Variants in TBC1D32 observed in about 807,000 individuals in gnomAD.
The protein encoded by TBC1D32 is protein broad-minded.
A neutral mutation model predicts 170.3 loss-of-function variants in TBC1D32; 151 were observed. The observed-to-expected ratio is 0.89, with a 90% CI of 0.78 to 1.01. The LOEUF (loss-of-function observed/expected upper bound fraction) is 1.01, where lower values mean the gene tolerates loss of function less well. TBC1D32 is among the 50% of genes least tolerant of loss of function. The probability of loss-of-function intolerance (pLI) is 0.00; values close to 1 mark genes in which losing one functional copy is unlikely to be tolerated. For synonymous variants in TBC1D32, 498 were observed against 488.0 expected (o/e 1.02, Z -0.27); for missense variants, 1,464 against 1,457.1 (o/e 1.00, Z -0.08).
chr6:121,157,988 G>A (rs537162792), intron 24 of TBC1D32, among the ~76,000 whole-genome samples: 20 of 152,096 alleles, frequency 1.3e-4, no homozygotes, highest in East Asian at 5.8e-4. Flanking sequence ...CTTGGGGATC[G>A]TCATCCTGTA....
chr6:121,272,723 T>C (rs1801642127), intron 15 of TBC1D32, among the ~76,000 whole-genome samples: 1 of 152,154 alleles, frequency 6.6e-6, no homozygotes, highest in Non-Finnish European at 1.5e-5. Context: ...GATCTAGAAC[T>C]AGAAATACCA....
chr6:121,240,357 ATTTTTTTTTTTT>A (rs35946120), intron 19 of TBC1D32, among the ~76,000 whole-genome samples: 9 of 75,298 alleles, frequency 1.2e-4, no homozygotes, highest in African/African-American at 3.9e-4. Flanking sequence ...GTTTAGGACA[ATTTTTTTTTTTT>A]TTTTTTTTTT....
chr6:121,198,166 T>C (rs1466186894), intron 22 of TBC1D32, among the ~76,000 whole-genome samples: 1 of 145,188 alleles, frequency 6.9e-6, no homozygotes. Flanking sequence ...ATATATAATA[T>C]ATATACACAT....
chr6:121,160,783 T>C (rs6938483), intron 23 of TBC1D32, among the ~76,000 whole-genome samples, 165 bp downstream of exon 23: 12,294 of 152,248 alleles, frequency 0.081, 1,289 homozygotes, highest in African/African-American at 0.24. Flanking sequence ...AAAATATTAT[T>C]TTAGTTTGAA....
At chr6:121,145,416 T>A (rs1043865699) in intron 24 of TBC1D32, among the ~76,000 whole-genome samples, 1 of 152,016 alleles carries the variant, frequency 6.6e-6, no homozygotes, top group African/African-American at 2.4e-5. Context: ...CTGAAAAATT[T>A]AAACTCATAG....
chr6:121,304,423 G>GA lies in TBC1D32; in HGVS notation c.876dup (p.Arg293SerfsTer5). 1 of 1,612,992 alleles carries GA rather than the reference G, an allele frequency of 6.2e-7. No individual in the cohort carries two copies. The highest frequency in any genetic ancestry group is 8.5e-7 in the Non-Finnish European group (1 of 1,179,486). On this transcript the variant is annotated frameshift_variant, in exon 8 of 32. Transcript: ENST00000398212. LOFTEE classifies it high-confidence loss of function. ...TCTTTCTGATATTCATTTAGAAGAC[G>GA]AACCTACAAAGCAGTGCACAATAGT...
In TBC1D32 at chr6:121,128,678, T is replaced by C. The variant is rs957288067; in HGVS notation, c.2900-2217A>G. ...GTAGGAATACGACATGAATAGTCTA[T>C]AAAACCAAAATTTATAATATTTATA... On this transcript the variant is annotated intron_variant, in intron 25 of 31. Transcript: ENST00000398212. 3.3e-5 allele frequency among the ~76,000 whole-genome samples: 5 copies of C among 152,152 alleles called. No individual in the cohort carries two copies. The South Asian group carries it at 1.0e-3, about 31-fold the overall frequency.
At chr6:121,291,228 T>G (rs936602144) in intron 12 of TBC1D32, among the ~76,000 whole-genome samples, 1 of 152,022 alleles carries the variant, frequency 6.6e-6, no homozygotes, top group Non-Finnish European at 1.5e-5. Context: ...CAGTGCACAG[T>G]TGAGGCACTC....
chr6:121,169,388 C>A (rs113095215), intron 22 of TBC1D32, among the ~76,000 whole-genome samples: 2,184 of 152,102 alleles, frequency 0.014, 14 homozygotes, highest in Middle Eastern at 0.031. Flanking sequence ...GAAACTGGAC[C>A]CCCTCCTTAT....
At chr6:121,087,628 C>T (rs1776387308) in intron 31 of TBC1D32, among the ~76,000 whole-genome samples, 1 of 152,084 alleles carries the variant, frequency 6.6e-6, no homozygotes. Flanking sequence ...TTGTGGTTTT[C>T]AATATTTTGA....
At chr6:121,193,007 T>C (rs1790271231) in intron 22 of TBC1D32, among the ~76,000 whole-genome samples, 1 of 152,156 alleles carries the variant, frequency 6.6e-6, no homozygotes, top group African/African-American at 2.4e-5. Flanking sequence ...AGAGGTGAGA[T>C]TGAGATTGTG....
At chr6:121,161,164 CTA>C in intron 22 of TBC1D32, 108 bp from the exon 23 acceptor site, 1 of 806,762 alleles carries the variant, frequency 1.2e-6, no homozygotes, top group African/African-American at 1.7e-5. Context: ...ATTTATCAAT[CTA>C]TTTCTTTTTC....
intron 24 of TBC1D32, 98 bp downstream of exon 24, chr6:121,159,912 T>C: frequency 2.5e-6 from 2 of 812,174 alleles, no homozygotes; most frequent in Non-Finnish European, 4.0e-6. Context: ...GTATACATGC[T>C]AAATGCAGTC....
chr6:121,222,202 G>A (rs1003419106), intron 21 of TBC1D32, among the ~76,000 whole-genome samples: 1 of 151,962 alleles, frequency 6.6e-6, no homozygotes, highest in Non-Finnish European at 1.5e-5. Flanking sequence ...TTTTTTAGAC[G>A]TAATTCTATT....
chr6:121,143,590 G>A (rs1783069440), intron 24 of TBC1D32, among the ~76,000 whole-genome samples: 1 of 152,112 alleles, frequency 6.6e-6, no homozygotes, highest in South Asian at 2.1e-4. Context: ...CCAAAATTGT[G>A]CAGTGCAAAT....
intron 24 of TBC1D32, among the ~76,000 whole-genome samples, chr6:121,133,555 C>T (rs80228010): frequency 0.025 from 3,752 of 152,034 alleles, 167 homozygotes; most frequent in East Asian, 0.13. Flanking sequence ...AAGAAAACTG[C>T]TACGTATTGC....
chr6:121,129,215 C>T (rs1450687924), intron 25 of TBC1D32, among the ~76,000 whole-genome samples: 1 of 152,174 alleles, frequency 6.6e-6, no homozygotes, highest in Non-Finnish European at 1.5e-5. Context: ...TAGGACAGCT[C>T]TATGCTTTGA....
At chr6:121,181,817 T>C (rs1486619789) in intron 22 of TBC1D32, among the ~76,000 whole-genome samples, 1 of 152,102 alleles carries the variant, frequency 6.6e-6, no homozygotes, top group Non-Finnish European at 1.5e-5. Context: ...TCCTCTCATT[T>C]GCAACAACAT....
chr6:121,194,418 C>A (rs972391347), intron 22 of TBC1D32, among the ~76,000 whole-genome samples: 1 of 152,156 alleles, frequency 6.6e-6, no homozygotes, highest in African/African-American at 2.4e-5. Flanking sequence ...ATTAGTGCCA[C>A]CATGAAGGAC....
Sources: allele counts gnomAD v4.1 joint callset (sites outside exome capture counted in the v4.1 genomes callset), GRCh38; gene constraint gnomAD v4.1.1; transcripts MANE v1.5; gene names NCBI Gene and HGNC (gene_info 2026-07-23, HGNC 2026-07-21).